Variants in IL1RAPL1 observed in about 807,000 individuals in gnomAD.
IL1RAPL1 encodes the protein interleukin-1 receptor accessory protein-like 1.
A neutral mutation model predicts 48.4 loss-of-function variants in IL1RAPL1; 3 were observed. That is an observed-to-expected ratio of 0.06 (90% confidence interval 0.03 to 0.16). IL1RAPL1 has a LOEUF of 0.16. Ranked by LOEUF, IL1RAPL1 falls within the 10% of genes least tolerant of loss-of-function variation. The pLI is 1.00. For synonymous variants in IL1RAPL1, 185 were observed against 187.7 expected (o/e 0.99, Z 0.12); for missense variants, 349 against 530.6 (o/e 0.66, Z 3.36).
At chrX:29,191,543 A>G (rs1334868833) in intron 2 of IL1RAPL1, among the ~76,000 whole-genome samples, 1 of 111,629 alleles carries the variant, frequency 9.0e-6, no homozygotes, top group Admixed American at 9.6e-5. Context: ...AGAAAAGGAG[A>G]TATTATTTGA....
intron 2 of IL1RAPL1, among the ~76,000 whole-genome samples, chrX:29,208,660 G>A (rs1440212570): frequency 9.3e-6 from 1 of 107,855 alleles, no homozygotes; most frequent in Non-Finnish European, 1.9e-5. Context: ...GCAGTGATCC[G>A]AGATCCCACC....
intron 2 of IL1RAPL1, among the ~76,000 whole-genome samples, chrX:28,927,424 C>T (rs1337381921): frequency 8.9e-6 from 1 of 111,966 alleles, no homozygotes; most frequent in Non-Finnish European, 1.9e-5. Flanking sequence ...AAAATACGCT[C>T]TTTTGATTCT....
chrX:29,679,482 G>A (rs1485830044), intron 6 of IL1RAPL1, among the ~76,000 whole-genome samples: 1 of 111,355 alleles, frequency 9.0e-6, no homozygotes, highest in Non-Finnish European at 1.9e-5. Context: ...TTATTGTATA[G>A]CCTATTTATA....
intron 2 of IL1RAPL1, among the ~76,000 whole-genome samples, chrX:29,233,621 G>T (rs890426070): frequency 9.0e-6 from 1 of 110,833 alleles, no homozygotes; most frequent in African/African-American, 3.3e-5. Context: ...CCTCCCTGTT[G>T]TACACACCCA....
intron 6 of IL1RAPL1, among the ~76,000 whole-genome samples, chrX:29,863,317 C>T (rs945030926): frequency 6.4e-4 from 72 of 111,793 alleles, no homozygotes; most frequent in African/African-American, 2.3e-3. Context: ...TTATGAGCTA[C>T]ATTTTATTCT....
At chrX:28,743,914 G>T (rs776081991) in intron 1 of IL1RAPL1, among the ~76,000 whole-genome samples, 1 of 110,647 alleles carries the variant, frequency 9.0e-6, no homozygotes, top group African/African-American at 3.3e-5. Context: ...ATCTTGCCCT[G>T]TAATTATGTG....
In IL1RAPL1 at chrX:29,497,802, T is replaced by G. The variant is rs758649534; in HGVS notation, c.703+98494T>G. Among the ~76,000 whole-genome samples, 9 of 112,083 alleles carry G rather than the reference T, an allele frequency of 8.0e-5. No individual in the cohort carries two copies. The South Asian group carries it at 3.3e-3, about 42-fold the overall frequency. On this transcript the variant is annotated intron_variant, in intron 5 of 10. Coordinates refer to ENST00000378993, the MANE Select transcript of IL1RAPL1 (RefSeq NM_014271.4). The stretch of plus-strand genomic sequence containing the variant: ...TTTTAAAACCAGTTTATTTTCATGC[T>G]ATCTAAACTGCTAACTGGTTCATCT...
chrX:29,069,670 C>CACACA (rs59221015), intron 2 of IL1RAPL1, among the ~76,000 whole-genome samples: 7 of 105,118 alleles, frequency 6.7e-5, no homozygotes, highest in South Asian at 4.2e-4. Flanking sequence ...CACACACACA[C>CACACA]CCCTCCCCTT....
At chrX:29,467,847 T>C (rs1217038627) in intron 5 of IL1RAPL1, among the ~76,000 whole-genome samples, 1 of 111,491 alleles carries the variant, frequency 9.0e-6, no homozygotes, top group Non-Finnish European at 1.9e-5. Context: ...CTGCTGTCTT[T>C]TATTTTTATT....
intron 2 of IL1RAPL1, among the ~76,000 whole-genome samples, chrX:28,815,452 C>A (rs182782305): frequency 4.7e-3 from 518 of 110,102 alleles, no homozygotes; most frequent in African/African-American, 0.017. Flanking sequence ...CCTTTCTTTA[C>A]AGTAGGAACA....
intron 6 of IL1RAPL1, among the ~76,000 whole-genome samples, chrX:29,704,485 G>A (rs763191346): frequency 9.1e-6 from 1 of 110,242 alleles, no homozygotes; most frequent in South Asian, 3.9e-4. Context: ...CCTAGCCAAC[G>A]TGACAAAACC....
chrX:29,443,954 A>G (rs1934580275), intron 5 of IL1RAPL1, among the ~76,000 whole-genome samples: 2 of 112,443 alleles, frequency 1.8e-5, no homozygotes, highest in Non-Finnish European at 3.8e-5. Context: ...CCGATGTCCC[A>G]TTGACCAAAG....
At chrX:29,226,546 C>T (rs184438780) in intron 2 of IL1RAPL1, among the ~76,000 whole-genome samples, 2 of 103,776 alleles carry the variant, frequency 1.9e-5, no homozygotes, top group Admixed American at 2.1e-4. Flanking sequence ...AATTTTCCTT[C>T]CTTAGCCTCC....
chrX:29,722,225 A>G (rs966448382), intron 6 of IL1RAPL1, among the ~76,000 whole-genome samples: 1 of 112,175 alleles, frequency 8.9e-6, no homozygotes, highest in Non-Finnish European at 1.9e-5. Context: ...TGATTCATAT[A>G]AATGTCTTAT....
chrX:29,458,457 TTGACTGC>T (rs1283492144), intron 5 of IL1RAPL1, among the ~76,000 whole-genome samples: 1 of 29,355 alleles, frequency 3.4e-5, no homozygotes, highest in African/African-American at 2.2e-4. Flanking sequence ...GTTCTACTCC[TTGACTGC>T]CCAGTCAAGT....
chrX:28,982,800 C>G (rs2147375940), intron 2 of IL1RAPL1: 1 of 111,183 alleles, frequency 9.0e-6, no homozygotes, highest in East Asian at 2.8e-4. Context: ...TTAAACGTAT[C>G]AGCAATACCA....
chrX:29,691,161 TA>T (rs779935110), intron 6 of IL1RAPL1, among the ~76,000 whole-genome samples: 402 of 111,972 alleles, frequency 3.6e-3, no homozygotes, highest in African/African-American at 0.012. Flanking sequence ...CTTCTTCCTT[TA>T]TTTATCTTTC....
intron 5 of IL1RAPL1, among the ~76,000 whole-genome samples, chrX:29,615,042 G>C (rs1010362938): frequency 4.5e-5 from 5 of 111,201 alleles, no homozygotes; most frequent in African/African-American, 1.6e-4. Flanking sequence ...ATGATACATA[G>C]ATGTATAGAC....
chrX:29,901,539 C>T (rs1932496285), intron 6 of IL1RAPL1, among the ~76,000 whole-genome samples: 2 of 111,934 alleles, frequency 1.8e-5, no homozygotes, highest in Admixed American at 1.9e-4. Context: ...TTACTTTCCT[C>T]CTCCTTTCAT....
Sources: allele counts gnomAD v4.1 joint callset (sites outside exome capture counted in the v4.1 genomes callset), GRCh38; gene constraint gnomAD v4.1.1; transcripts MANE v1.5; gene names NCBI Gene and HGNC (gene_info 2026-07-23, HGNC 2026-07-21).